The following SLC7A9 variants were observed in gnomAD, a reference collection of about 807,000 sequenced individuals.
SLC7A9 encodes the protein B(0,+)-type amino acid transporter 1.
SLC7A9 carries 38 observed loss-of-function variants against 54.1 expected under a neutral mutation model. The ratio of observed to expected loss-of-function variants is 0.70; its 90% CI spans 0.54 to 0.92. The LOEUF (loss-of-function observed/expected upper bound fraction) is 0.92, where lower values mean the gene tolerates loss of function less well. SLC7A9 is among the 40% of genes least tolerant of loss of function. The pLI is 0.00. For synonymous variants in SLC7A9, 264 were observed against 258.9 expected (o/e 1.02, Z -0.19); for missense variants, 537 against 636.1 (o/e 0.84, Z 1.68).
Position 32,859,834 on chromosome 19 carries a change from C to T in SLC7A9, c.873+7G>A, listed in dbSNP as rs1968741268. ...GCCCCCGCCAGCAGCGATGCCCGGGCACTCACCACAGCCACCGCCTGGGAC... is the reference window on the plus strand; with the variant it reads ...GCCCCCGCCAGCAGCGATGCCCGGGTACTCACCACAGCCACCGCCTGGGAC... On this transcript the variant is annotated splice_region_variant and intron_variant, in intron 8 of 12. Coordinates refer to ENST00000023064, the MANE Select transcript of SLC7A9 (RefSeq NM_014270.5). 1.2e-6 allele frequency: 2 copies of T among 1,611,636 alleles called. No homozygotes were observed. Among genetic ancestry groups the T allele is most frequent in the African/African-American group, 1.3e-5 (1 of 74,890 alleles).
intron 10 of SLC7A9, 105 bp from the exon 11 acceptor site, chr19:32,842,422 T>C: frequency 9.1e-7 from 1 of 1,100,054 alleles, no homozygotes; most frequent in Middle Eastern, 2.8e-4. Flanking sequence ...CACTTTAGCA[T>C]GAAACGAACT....
rs375773222 is a variant in SLC7A9, at chr19:32,864,250, G to A, written c.324C>T (p.Pro108=). The A allele has an allele frequency of 2.0e-4, 317 of 1,614,180 alleles. No individual in the cohort carries two copies. Among genetic ancestry groups the A allele is most frequent in the Non-Finnish European group, 2.5e-4 (290 of 1,180,022 alleles). ...PYLMEAYGPI[P]AYLFSWASLI... The stretch of plus-strand genomic sequence containing the variant: ...GGCTGGCCCAGGAGAAGAGGTAGGC[G>A]GGGATGGGCCCGTAGGCCTCCATCA... Residue 108 remains proline (P), a synonymous_variant, in exon 4 of 13, where the codon CCC becomes CCT. Coordinates refer to ENST00000023064, the MANE Select transcript of SLC7A9 (RefSeq NM_014270.5).
intron 12 of SLC7A9, chr19:32,831,288 T>C (rs1967780719): frequency 6.5e-6 from 1 of 153,242 alleles, no homozygotes; most frequent in African/African-American, 2.4e-5. Flanking sequence ...TATAGACTTT[T>C]TGTTTTTGTG....
rs1000001946 is a variant in SLC7A9 at position 32,832,841 on chromosome 19, C to A, written c.1399+308G>T. Reference sequence around the variant, plus strand: ...GGAGGATGGCTTGAGCCCGGGAGTTCAAGACTGCAGTGAGCTATGACCATG... The same window carrying A: ...GGAGGATGGCTTGAGCCCGGGAGTTAAAGACTGCAGTGAGCTATGACCATG... On this transcript the variant is annotated intron_variant, in intron 12 of 12. Coordinates refer to ENST00000023064, the MANE Select transcript of SLC7A9 (RefSeq NM_014270.5). 2.4e-5 allele frequency: 8 copies of A among 339,348 alleles called. No individual in the cohort carries two copies. In the East Asian group the frequency reaches 4.8e-4, roughly 20 times the overall value. The allele number at this position is 339,348 out of a possible 1,614,324, so 21.0% of individuals were successfully genotyped here. A position where few individuals can be genotyped will look rare whatever the true frequency, so the allele number is the denominator to read the frequency against.
At chr19:32,835,795 T>C (rs529754168) in intron 11 of SLC7A9, among the ~76,000 whole-genome samples, 2 of 152,148 alleles carry the variant, frequency 1.3e-5, no homozygotes, top group Non-Finnish European at 2.9e-5. Flanking sequence ...ATTGATATAT[T>C]TAATGTAATG....
chr19:32,869,228 AT>A (rs1969067865), intron 1 of SLC7A9, among the ~76,000 whole-genome samples: 1 of 151,956 alleles, frequency 6.6e-6, no homozygotes, highest in African/African-American at 2.4e-5. Context: ...GTTTCAAAAA[AT>A]ATATATATAA....
intron 11 of SLC7A9, among the ~76,000 whole-genome samples, chr19:32,834,959 TTTTTA>T (rs1967915715): frequency 1.3e-5 from 2 of 152,070 alleles, no homozygotes; most frequent in Admixed American, 6.6e-5. Flanking sequence ...CCCAGCTAAT[TTTTTA>T]TTTTTAGTAG....
intron 9 of SLC7A9, among the ~76,000 whole-genome samples, chr19:32,855,423 G>T (rs926688734): frequency 2.0e-5 from 3 of 152,202 alleles, no homozygotes; most frequent in Non-Finnish European, 4.4e-5. Context: ...AATGCAGCCG[G>T]GCGCGGTGGC....
chr19:32,842,036 CT>C (rs1968140942), intron 11 of SLC7A9, 131 bp downstream of exon 11: 1 of 899,140 alleles, frequency 1.1e-6, no homozygotes, highest in African/African-American at 1.7e-5. Flanking sequence ...GTAAACTCCA[CT>C]CTAAAATACG....
intron 9 of SLC7A9, among the ~76,000 whole-genome samples, chr19:32,845,118 T>C (rs1360151032): frequency 6.7e-6 from 1 of 149,402 alleles, no homozygotes; most frequent in South Asian, 2.1e-4. Context: ...AAGCCAAGAT[T>C]GTGCCACTGT....
chr19:32,865,710 C>T (rs2145848747), intron 2 of SLC7A9, among the ~76,000 whole-genome samples: 1 of 152,302 alleles, frequency 6.6e-6, no homozygotes, highest in African/African-American at 2.4e-5. Flanking sequence ...GTGGTTTATG[C>T]CTGTAATCCC....
At chr19:32,868,903 AAAG>A (rs547351908) in intron 1 of SLC7A9, among the ~76,000 whole-genome samples, 98 of 152,054 alleles carry the variant, frequency 6.4e-4, no homozygotes, top group African/African-American at 2.2e-3. Context: ...TCAAAAGTAA[AAAG>A]AAATATTTAA....
intron 12 of SLC7A9, among the ~76,000 whole-genome samples, chr19:32,832,594 AAAAAAAAAAAGAAAG>A (rs1209026042): frequency 1.4e-5 from 2 of 142,596 alleles, no homozygotes; most frequent in African/African-American, 5.2e-5. Context: ...TCTCAAAAAA[AAAAAAAAAAAGAAAG>A]AAAGAAAGAA....
intron 9 of SLC7A9, among the ~76,000 whole-genome samples, chr19:32,855,507 G>A (rs1968596269): frequency 6.6e-6 from 1 of 152,034 alleles, no homozygotes; most frequent in African/African-American, 2.4e-5. Context: ...AGACCATCCT[G>A]GCAAACACGG....
intron 11 of SLC7A9, among the ~76,000 whole-genome samples, chr19:32,840,637 C>T (rs1302142841): frequency 6.6e-6 from 1 of 152,154 alleles, no homozygotes; most frequent in Non-Finnish European, 1.5e-5. Context: ...TGCCAAGTTC[C>T]ATGTCCTTTC....
At chr19:32,859,630 T>A (rs926569356) in intron 8 of SLC7A9, among the ~76,000 whole-genome samples, 2 of 152,172 alleles carry the variant, frequency 1.3e-5, no homozygotes, top group African/African-American at 4.8e-5. Context: ...TCCCTGGCAC[T>A]TTCTGCCTCT....
chr19:32,862,864 G>A (rs1336683981), intron 4 of SLC7A9: 5 of 216,698 alleles, frequency 2.3e-5, no homozygotes, highest in Non-Finnish European at 3.6e-5. Context: ...TAGAGAGCTT[G>A]TCTGGAGGTT....
chr19:32,830,671 C>T lies in SLC7A9; in HGVS notation c.1413G>A (p.Met471Ile). ...WAQKISKPIT[M>I]HLQMLMEVVP... ...CCACTTCCATTAGCATCTGAAGGTG[C>T]ATGGTAATCGGCTCTGAAATAAGAG... Residue 471 changes from methionine to isoleucine, a missense_variant, in exon 13 of 13, where the codon ATG becomes ATA. Physicochemically the swap from Met to Ile is conservative, Grantham distance 10. Transcript: ENST00000023064. 3.7e-6 allele frequency: 6 copies of T among 1,613,814 alleles called. No homozygotes were observed. In the South Asian group the frequency reaches 6.6e-5, roughly 18 times the overall value.
At chr19:32,845,294 A>G (rs892988502) in intron 9 of SLC7A9, among the ~76,000 whole-genome samples, 6 of 152,186 alleles carry the variant, frequency 3.9e-5, no homozygotes, top group African/African-American at 7.2e-5. Context: ...CAGGAGTTCA[A>G]GACCAGCCTA....
Sources: gnomAD v4.1 joint callset for allele counts (sites outside exome capture counted in the v4.1 genomes callset) on GRCh38, gnomAD v4.1.1 for gene constraint, MANE v1.5 for transcripts, NCBI Gene and HGNC (gene_info 2026-07-23, HGNC 2026-07-21) for gene names.